EHBP1: variants seen among roughly 807,000 people sequenced by gnomAD.
The protein encoded by EHBP1 is EH domain-binding protein 1.
Under a neutral mutation model 144.0 loss-of-function variants are expected in EHBP1, and 55 were observed. That is an observed-to-expected ratio of 0.38 (90% confidence interval 0.31 to 0.48). The LOEUF (loss-of-function observed/expected upper bound fraction) is 0.48. Among genes scored for constraint, EHBP1 ranks in the 20% least tolerant of loss-of-function variants. The pLI is 0.98. For missense variants in EHBP1, 1,200 were observed against 1,364.2 expected (o/e 0.88, Z 1.90); for synonymous variants, 469 against 472.7 (o/e 0.99, Z 0.10).
chr2:62,811,177 G>GT (rs1239171645), intron 5 of EHBP1, among the ~76,000 whole-genome samples: 31 of 152,148 alleles, frequency 2.0e-4, no homozygotes, highest in African/African-American at 7.5e-4. Context: ...TTTTACATTT[G>GT]TGCTACCAAA....
At chr2:62,964,363 G>C (rs1183782931) in intron 14 of EHBP1, among the ~76,000 whole-genome samples, 3 of 152,176 alleles carry the variant, frequency 2.0e-5, no homozygotes, top group African/African-American at 7.2e-5. Context: ...TGGCTGTTCA[G>C]TGCCGTGTTG....
chr2:62,718,560 C>G (rs936850658), intron 2 of EHBP1, among the ~76,000 whole-genome samples: 3 of 152,124 alleles, frequency 2.0e-5, no homozygotes, highest in African/African-American at 7.2e-5. Context: ...ATTTCCATAT[C>G]CCCTAGGAGG....
intron 10 of EHBP1, among the ~76,000 whole-genome samples, chr2:62,934,146 A>G (rs2056205474): frequency 6.6e-6 from 1 of 152,210 alleles, no homozygotes; most frequent in South Asian, 2.1e-4. Context: ...AGCATAATAG[A>G]TGATGCCAAA....
intron 7 of EHBP1, among the ~76,000 whole-genome samples, chr2:62,831,779 A>G (rs1449987885): frequency 6.6e-6 from 1 of 152,202 alleles, no homozygotes; most frequent in Non-Finnish European, 1.5e-5. Context: ...CACAATTTAC[A>G]TATTCCTTTT....
chr2:63,032,773 A>G (rs2061313735), intron 19 of EHBP1, among the ~76,000 whole-genome samples: 1 of 152,034 alleles, frequency 6.6e-6, no homozygotes, highest in South Asian at 2.1e-4. Flanking sequence ...TCGTGTGTAG[A>G]AAGTTGCTAC....
chr2:62,751,371 C>T (rs1189304518), intron 3 of EHBP1, among the ~76,000 whole-genome samples: 1 of 152,120 alleles, frequency 6.6e-6, no homozygotes, highest in Non-Finnish European at 1.5e-5. Context: ...TGATGTGCTG[C>T]TGGATTTGGT....
intron 2 of EHBP1, among the ~76,000 whole-genome samples, chr2:62,726,253 A>C (rs529118874): frequency 6.6e-6 from 1 of 152,174 alleles, no homozygotes; most frequent in African/African-American, 2.4e-5. Context: ...TCGAGTGTCC[A>C]TTGTGGTGGA....
At chr2:62,844,763 G>T (rs147047166) in intron 7 of EHBP1, among the ~76,000 whole-genome samples, 64 of 152,232 alleles carry the variant, frequency 4.2e-4, no homozygotes, top group African/African-American at 1.5e-3. Flanking sequence ...ACATTATGAG[G>T]CTCCTGAAAG....
chr2:62,730,692 GAGAC>G lies in EHBP1; in HGVS notation c.105-16687_105-16684del, dbSNP rs781671622. On this transcript the variant is annotated intron_variant, in intron 2 of 22. Coordinates refer to ENST00000431489, the MANE Select transcript of EHBP1 (RefSeq NM_001142616.3). The stretch of plus-strand genomic sequence containing the variant: ...ATACACAAAGAGAGAAGGACAGAGA[GAGAC>G]AGACAGACAGACAGAGATACACAAA... Among the ~76,000 whole-genome samples the G allele has an allele frequency of 2.5e-3, 384 of 150,736 alleles. 2 individuals carry two copies. In the Middle Eastern group the frequency reaches 0.035, roughly 14 times the overall value.
chr2:62,914,257 A>T (rs2054439593), intron 10 of EHBP1, among the ~76,000 whole-genome samples: 1 of 152,132 alleles, frequency 6.6e-6, no homozygotes, highest in South Asian at 2.1e-4. Flanking sequence ...CATTCACTTG[A>T]AAAACTATTA....
At chr2:62,846,503 A>G (rs1399568079) in intron 7 of EHBP1, among the ~76,000 whole-genome samples, 1 of 152,196 alleles carries the variant, frequency 6.6e-6, no homozygotes, top group Non-Finnish European at 1.5e-5. Flanking sequence ...TATTTTGATA[A>G]AGGACATTCA....
At chr2:63,017,419 A>G (rs763930423) in intron 19 of EHBP1, among the ~76,000 whole-genome samples, 7 of 152,228 alleles carry the variant, frequency 4.6e-5, no homozygotes, top group Non-Finnish European at 1.5e-5. Flanking sequence ...AGTGAACCTA[A>G]TTAGTTTACA....
chr2:62,891,685 T>C (rs2152916212), intron 10 of EHBP1, among the ~76,000 whole-genome samples: 1 of 152,254 alleles, frequency 6.6e-6, no homozygotes, highest in African/African-American at 2.4e-5. Context: ...ATATATATTA[T>C]ATATTGGCTC....
chr2:62,866,101 G>A (rs114186007), intron 9 of EHBP1, among the ~76,000 whole-genome samples: 3,536 of 152,322 alleles, frequency 0.023, 125 homozygotes, highest in African/African-American at 0.081. Context: ...CAGCCAGAAA[G>A]AAAAGACTTC....
chr2:62,926,367 A>G (rs2055509804), intron 10 of EHBP1, among the ~76,000 whole-genome samples: 1 of 152,214 alleles, frequency 6.6e-6, no homozygotes, highest in Admixed American at 6.5e-5. Flanking sequence ...GCTTCTGCAC[A>G]GCAAAGAAAA....
intron 19 of EHBP1, among the ~76,000 whole-genome samples, chr2:63,014,331 GC>G (rs1361545045): frequency 6.6e-6 from 1 of 152,030 alleles, no homozygotes; most frequent in African/African-American, 2.4e-5. Context: ...TTTCCATGTA[GC>G]CTTGATGCTA....
chr2:62,737,389 T>TA (rs1422299943), intron 2 of EHBP1, among the ~76,000 whole-genome samples: 1 of 152,132 alleles, frequency 6.6e-6, no homozygotes, highest in Non-Finnish European at 1.5e-5. Flanking sequence ...CTGGAGTTTT[T>TA]ATCTCTCAGA....
intron 10 of EHBP1, among the ~76,000 whole-genome samples, chr2:62,928,582 T>C (rs755625863): frequency 7.9e-5 from 12 of 152,092 alleles, no homozygotes; most frequent in Non-Finnish European, 1.3e-4. Flanking sequence ...GATGGGATCT[T>C]ATTAATATTA....
At chr2:62,859,636 A>T (rs1241251190) in intron 8 of EHBP1, among the ~76,000 whole-genome samples, 1 of 152,174 alleles carries the variant, frequency 6.6e-6, no homozygotes, top group Non-Finnish European at 1.5e-5. Flanking sequence ...CAGTCTGTTG[A>T]GCCCTTCTGC....
Sources: allele counts gnomAD v4.1 joint callset (sites outside exome capture counted in the v4.1 genomes callset), GRCh38; gene constraint gnomAD v4.1.1; transcripts MANE v1.5; gene names NCBI Gene and HGNC (gene_info 2026-07-23, HGNC 2026-07-21).